CCDC170: variants seen among roughly 807,000 people sequenced by gnomAD.
The protein encoded by CCDC170 is coiled-coil domain-containing protein 170.
A neutral mutation model predicts 72.6 loss-of-function variants in CCDC170; 69 were observed. That is an observed-to-expected ratio of 0.95 (90% CI 0.78 to 1.16). The LOEUF is 1.16. Ranked by LOEUF, CCDC170 falls within the 50% of genes most tolerant of loss-of-function variation. The pLI is 0.00. For missense variants in CCDC170, 852 were observed against 832.5 expected (o/e 1.02, Z -0.29); for synonymous variants, 300 against 303.9 (o/e 0.99, Z 0.13).
At chr6:151,578,053 C>T (rs949600160) in intron 6 of CCDC170, among the ~76,000 whole-genome samples, 1 of 152,150 alleles carries the variant, frequency 6.6e-6, no homozygotes, top group South Asian at 2.1e-4. Context: ...CTGTTCTTAA[C>T]CCTGCCACCT....
At chr6:151,565,421 C>T (rs943142137) in intron 5 of CCDC170, among the ~76,000 whole-genome samples, 14 of 152,198 alleles carry the variant, frequency 9.2e-5, no homozygotes, top group Non-Finnish European at 1.5e-4. Flanking sequence ...GGAGTATGGA[C>T]GCTGCAGGTC....
At chr6:151,513,807 C>T (rs1323173818) in intron 1 of CCDC170, among the ~76,000 whole-genome samples, 1 of 150,326 alleles carries the variant, frequency 6.7e-6, no homozygotes, top group African/African-American at 2.5e-5. Flanking sequence ...GTAATCCCAC[C>T]TACTCCGGAG....
rs1163407948 is a variant in CCDC170 at position 151,620,107 on chromosome 6, C to T, written c.*1960C>T. On this transcript the variant is annotated 3_prime_UTR_variant, in exon 11 of 11. Transcript: ENST00000239374. ...AAAAATCTGAGAATCCACAGTGCTA[C>T]AGACAATAAGTGATAAAATGGGAAA... is the stretch of plus-strand genomic sequence containing the variant. The T allele has an allele frequency of 2.3e-5, 3 of 131,762 alleles. No individual in the cohort carries two copies. The highest frequency in any genetic ancestry group is 5.9e-5 in the African/African-American group (2 of 34,160). The allele number at this position is 131,762 out of a possible 1,614,324, so 8.2% of individuals were successfully genotyped here. A position where few individuals can be genotyped will look rare whatever the true frequency, so the allele number is the denominator to read the frequency against.
intron 1 of CCDC170, among the ~76,000 whole-genome samples, chr6:151,525,767 C>G (rs1782395547): frequency 6.6e-6 from 1 of 152,192 alleles, no homozygotes. Context: ...GTGCATGACA[C>G]TATAGTTAAC....
chr6:151,506,915 T>C (rs868242141), intron 1 of CCDC170, among the ~76,000 whole-genome samples: 2 of 152,272 alleles, frequency 1.3e-5, no homozygotes, highest in Non-Finnish European at 1.5e-5. Flanking sequence ...AGTTCTTCCC[T>C]GGGTCTCGGG....
In CCDC170 at chr6:151,494,182, C is replaced by T. The variant is rs1781875884; in HGVS notation, c.54C>T (p.Pro18=). 6 of 1,514,554 alleles carry T rather than the reference C, an allele frequency of 4.0e-6. No individual in the cohort carries two copies. The highest frequency in any genetic ancestry group is 5.3e-6 in the Non-Finnish European group (6 of 1,135,062). The allele number at this position is 1,514,554 out of a possible 1,614,324, so 93.8% of individuals were successfully genotyped here. Residue 18 remains proline (P), a synonymous_variant, in exon 1 of 11, where the codon CCC becomes CCT. Transcript: ENST00000239374. Reference sequence around the variant, plus strand: ...CGCTGGGTGCCGCTTCGCCAGCGCCCGAGGTACGGTCCCAGCCGCCGGCCG... The same window carrying T: ...CGCTGGGTGCCGCTTCGCCAGCGCCTGAGGTACGGTCCCAGCCGCCGGCCG... The part of the protein sequence containing the change: ...HIALGAASPA[P]EETYDHLSEV...
chr6:151,533,711 C>T (rs1432642931), intron 1 of CCDC170, among the ~76,000 whole-genome samples: 3 of 151,604 alleles, frequency 2.0e-5, no homozygotes, highest in African/African-American at 4.8e-5. Flanking sequence ...GAACTCTTTC[C>T]TTCCACCTCC....
At chr6:151,578,521 G>A (rs926807806) in intron 6 of CCDC170, among the ~76,000 whole-genome samples, 1 of 152,162 alleles carries the variant, frequency 6.6e-6, no homozygotes, top group Non-Finnish European at 1.5e-5. Context: ...TCTGGGATTA[G>A]GGTCCACCTT....
At chr6:151,515,230 A>G (rs1421408272) in intron 1 of CCDC170, among the ~76,000 whole-genome samples, 3 of 152,252 alleles carry the variant, frequency 2.0e-5, no homozygotes, top group Non-Finnish European at 4.4e-5. Flanking sequence ...AGGCATTGGC[A>G]TTACGCCATT....
chr6:151,611,065 GAGA>G, intron 9 of CCDC170, among the ~76,000 whole-genome samples: 1 of 152,216 alleles, frequency 6.6e-6, no homozygotes, highest in African/African-American at 2.4e-5. Context: ...ATCACAAGGT[GAGA>G]AGATCAAGAA....
At chr6:151,508,549 A>G (rs1374073188) in intron 1 of CCDC170, among the ~76,000 whole-genome samples, 1 of 151,516 alleles carries the variant, frequency 6.6e-6, no homozygotes, top group African/African-American at 2.4e-5. Flanking sequence ...AAAAAAACCA[A>G]AAAAACCCCA....
rs547081162 is a variant in CCDC170, at chr6:151,600,303, C to A, written c.1710+3726C>A. On this transcript the variant is annotated intron_variant, in intron 9 of 10. Coordinates refer to ENST00000239374, the MANE Select transcript of CCDC170 (RefSeq NM_025059.4). ...TTTCACTATTCATAAAGCAATATTT[C>A]TGAACATTAGCAAAAATAGCTTTAC... 2.2e-3 allele frequency among the ~76,000 whole-genome samples: 329 copies of A among 152,276 alleles called. 1 individual carries two copies. The highest frequency in any genetic ancestry group is 7.5e-3 in the African/African-American group (312 of 41,556).
chr6:151,582,425 A>T (rs563591242), intron 6 of CCDC170, among the ~76,000 whole-genome samples: 11 of 152,124 alleles, frequency 7.2e-5, no homozygotes, highest in African/African-American at 2.7e-4. Context: ...ATTTAAGGAG[A>T]GTTAGGGCCT....
intron 9 of CCDC170, among the ~76,000 whole-genome samples, chr6:151,603,356 G>A (rs1309415328): frequency 6.6e-6 from 1 of 152,088 alleles, no homozygotes; most frequent in Non-Finnish European, 1.5e-5. Flanking sequence ...TACTTTATTT[G>A]TACCTATGCC....
chr6:151,615,641 A>C lies in CCDC170; in HGVS notation c.1909A>C (p.Lys637Gln). 6.2e-7 allele frequency: 1 copy of C among 1,614,022 alleles called. No homozygotes were observed. The highest frequency in any genetic ancestry group is 1.3e-5 in the African/African-American group (1 of 75,044). The change falls in exon 10 of 11, where the codon AAA becomes CAA. Residue 637 changes from lysine to glutamine, a missense_variant. Physicochemically the swap from Lys to Gln is moderately conservative, Grantham distance 53. Transcript: ENST00000239374. Reference sequence around the variant, plus strand: ...GGTAACCAGTGAAATGAAGACACTAAAAAAATCTCTGGAAGAAGCAGAAAA... The same window carrying C: ...GGTAACCAGTGAAATGAAGACACTACAAAAATCTCTGGAAGAAGCAGAAAA... ...EVVTSEMKTL[K>Q]KSLEEAEKRE...
At position 151,520,594 on chromosome 6, in the gene CCDC170, A is replaced by G. The variant is rs150493224; in HGVS notation, c.58-15724A>G. Among the ~76,000 whole-genome samples the G allele has an allele frequency of 1.9e-3, 293 of 152,338 alleles. 4 individuals carry two copies. The highest frequency in any genetic ancestry group is 4.3e-4 in the Non-Finnish European group (29 of 68,026). On this transcript the variant is annotated intron_variant, in intron 1 of 10. Transcript: ENST00000239374. ...GTAGTACTAAGACATTAGCCACAAG[A>G]TTAGAAATTATGGTTAAGGAGTCAT...
intron 9 of CCDC170, among the ~76,000 whole-genome samples, chr6:151,602,869 C>T (rs911205614): frequency 3.3e-5 from 5 of 151,032 alleles, no homozygotes; most frequent in Non-Finnish European, 5.9e-5. Context: ...GGCACAATCT[C>T]GGCTCACTGC....
At chr6:151,507,305 T>A (rs1442664300) in intron 1 of CCDC170, among the ~76,000 whole-genome samples, 3 of 152,026 alleles carry the variant, frequency 2.0e-5, no homozygotes, top group Non-Finnish European at 4.4e-5. Flanking sequence ...ATATTTTTTT[T>A]AATCAGTAGA....
intron 5 of CCDC170, among the ~76,000 whole-genome samples, chr6:151,571,058 A>T (rs1484552497): frequency 6.6e-6 from 1 of 152,160 alleles, no homozygotes; most frequent in Non-Finnish European, 1.5e-5. Flanking sequence ...CCTTGATTTT[A>T]AAAAAGTCAC....
Sources: gnomAD v4.1 joint callset for allele counts (sites outside exome capture counted in the v4.1 genomes callset) on GRCh38, gnomAD v4.1.1 for gene constraint, MANE v1.5 for transcripts, NCBI Gene and HGNC (gene_info 2026-07-23, HGNC 2026-07-21) for gene names.